COL4A3: variants seen among roughly 807,000 people sequenced by gnomAD.
COL4A3 encodes collagen type IV alpha 3 chain.
In COL4A3, 135 loss-of-function variants were observed where a neutral mutation model predicts 217.4. The ratio of observed to expected loss-of-function variants is 0.62; its 90% CI spans 0.54 to 0.72. The LOEUF (loss-of-function observed/expected upper bound fraction) is 0.72. Among genes scored for constraint, COL4A3 ranks in the 30% least tolerant of loss-of-function variants. COL4A3 has a pLI of 0.00. For missense variants in COL4A3, 1,868 were observed against 2,119.9 expected, an observed-to-expected ratio of 0.88 and a Z score of 2.33; for synonymous variants, 690 against 736.3, an observed-to-expected ratio of 0.94 and a Z score of 1.02.
intron 1 of COL4A3, among the ~76,000 whole-genome samples, chr2:227,182,115 C>T (rs1348710659): frequency 6.6e-6 from 1 of 152,158 alleles, no homozygotes; most frequent in Non-Finnish European, 1.5e-5. Flanking sequence ...ACTGCTGATT[C>T]CCTATTGATT....
chr2:227,175,205 C>T (rs2065633446), intron 1 of COL4A3, among the ~76,000 whole-genome samples: 1 of 152,188 alleles, frequency 6.6e-6, no homozygotes, highest in South Asian at 2.1e-4. Flanking sequence ...GGCACAGTGG[C>T]TCAGCCCTGT....
At chr2:227,254,254 A>G in intron 14 of COL4A3, 80 bp downstream of exon 14, 1 of 1,326,188 alleles carries the variant, frequency 7.5e-7, no homozygotes, top group Non-Finnish European at 1.1e-6. Flanking sequence ...GTTTTGTCTT[A>G]AGTTGTTTTT....
chr2:227,248,450 C>T lies in COL4A3; in HGVS notation c.476C>T (p.Pro159Leu). 1 of 1,609,614 alleles carries T rather than the reference C, an allele frequency of 6.2e-7. No individual in the cohort carries two copies. The highest frequency in any genetic ancestry group is 2.2e-5 in the East Asian group (1 of 44,836). The change falls in exon 9 of 52, where the codon CCT becomes CTT. Residue 159 changes from proline (P) to leucine (L), a missense_variant. Physicochemically the swap from Pro to Leu is moderately conservative, Grantham distance 98. Transcript: ENST00000396578. ...AAGLKGQKGA[P>L]AKEEDIELDA... is the part of the protein sequence containing the mutation. ...AACTTCTTCATTTTCAAGGGTGCTC[C>T]TGCTAAAGAAGAAGATATAGAACTT...
chr2:227,291,673 C>A (rs1246187751), intron 37 of COL4A3, among the ~76,000 whole-genome samples: 1 of 148,558 alleles, frequency 6.7e-6, no homozygotes, highest in Non-Finnish European at 1.5e-5. Context: ...AGAAAGCGAA[C>A]AAAATCCTAA....
chr2:227,310,270 CTTTT>C (rs1396668725), intron 50 of COL4A3, among the ~76,000 whole-genome samples: 2 of 151,878 alleles, frequency 1.3e-5, no homozygotes, highest in African/African-American at 2.4e-5. Context: ...TTTCTTTTTT[CTTTT>C]TCTTTGTCTC....
intron 13 of COL4A3, 23 bp from the exon 14 acceptor site, chr2:227,254,089 A>C: frequency 1.2e-6 from 2 of 1,607,450 alleles, no homozygotes; most frequent in Non-Finnish European, 1.7e-6. Flanking sequence ...ATTTGTAACA[A>C]TGTTGAACTG....
Position 227,223,509 on chromosome 2 carries a change from G to A in COL4A3, c.88-14459G>A, listed in dbSNP as rs113932106. ...AGCACTTCGGGAGGCTGAGGTGGGCGGATCACCTGAGGTCAGGAGTTCAAG... is the reference window on the plus strand; with the variant it reads ...AGCACTTCGGGAGGCTGAGGTGGGCAGATCACCTGAGGTCAGGAGTTCAAG... On this transcript the variant is annotated intron_variant, in intron 1 of 51. Coordinates refer to ENST00000396578, the MANE Select transcript of COL4A3 (RefSeq NM_000091.5). 3.7e-3 allele frequency among the ~76,000 whole-genome samples: 563 copies of A among 152,196 alleles called. 3 individuals are homozygous for A. Among genetic ancestry groups the A allele is most frequent in the African/African-American group, 0.013 (520 of 41,500 alleles).
At chr2:227,199,490 A>ATTCAGACTGC (rs1487668153) in intron 1 of COL4A3, among the ~76,000 whole-genome samples, 1 of 152,248 alleles carries the variant, frequency 6.6e-6, no homozygotes, top group Non-Finnish European at 1.5e-5. Flanking sequence ...AGACTGGATC[A>ATTCAGACTGC]AACAGACCTA....
chr2:227,174,035 C>T (rs559494694), intron 1 of COL4A3, among the ~76,000 whole-genome samples: 1 of 152,294 alleles, frequency 6.6e-6, no homozygotes, highest in East Asian at 1.9e-4. Flanking sequence ...GAAATAAATA[C>T]TTGTCTAAAT....
In COL4A3 at chr2:227,246,006, G is replaced by C; in HGVS notation, c.377G>C (p.Ser126Thr). 1 of 1,612,934 alleles carries C rather than the reference G, an allele frequency of 6.2e-7. No homozygotes were observed. Among genetic ancestry groups the C allele is most frequent in the South Asian group, 1.1e-5 (1 of 91,058 alleles). Residue 126 changes from serine to threonine, a missense_variant, in exon 6 of 52, where the codon AGT becomes ACT. By Grantham distance (58) the Ser-to-Thr change is moderately conservative. Transcript: ENST00000396578. ...PYGLVGVPGC[S>T]GSKGEQGFPG... Reference sequence around the variant, plus strand: ...GGACTTGTCGGTGTACCAGGATGCAGTGGTTCTAAGGTAAGTACTTTTCAC... The same window carrying C: ...GGACTTGTCGGTGTACCAGGATGCACTGGTTCTAAGGTAAGTACTTTTCAC...
intron 25 of COL4A3, among the ~76,000 whole-genome samples, chr2:227,272,345 T>C (rs887847306): frequency 1.3e-5 from 2 of 152,238 alleles, no homozygotes; most frequent in African/African-American, 4.8e-5. Flanking sequence ...ACAGACCACT[T>C]AGCCATCTGA....
At chr2:227,219,775 T>C (rs1476616164) in intron 1 of COL4A3, among the ~76,000 whole-genome samples, 1 of 152,242 alleles carries the variant, frequency 6.6e-6, no homozygotes, top group African/African-American at 2.4e-5. Context: ...ATATTTTATA[T>C]AGTTAAATAA....
intron 23 of COL4A3, among the ~76,000 whole-genome samples, chr2:227,267,807 A>T (rs2125984450): frequency 6.7e-6 from 1 of 148,304 alleles, no homozygotes; most frequent in Admixed American, 6.7e-5. Flanking sequence ...AAAAAAAAAC[A>T]CAACATTTTA....
intron 7 of COL4A3, 75 bp from the exon 8 acceptor site, chr2:227,247,483 G>C: frequency 7.2e-7 from 1 of 1,388,790 alleles, no homozygotes; most frequent in Non-Finnish European, 1.0e-6. Flanking sequence ...CAATAGCAGA[G>C]AGGGCAGAGC....
Position 227,293,680 on chromosome 2 carries a change from T to C in COL4A3, c.3337+363T>C, listed in dbSNP as rs532170420. On this transcript the variant is annotated intron_variant, in intron 38 of 51. Coordinates refer to ENST00000396578, the MANE Select transcript of COL4A3 (RefSeq NM_000091.5). ...ACTAGGTGGCTTAAACTACACTTGA[T>C]GTTAGCCAAAAGGCTGAGAAGTGAT... The C allele has an allele frequency of 2.2e-4, 107 of 482,084 alleles. 1 individual carries two copies. Among genetic ancestry groups the C allele is most frequent in the South Asian group, 1.6e-3 (102 of 64,170 alleles). The allele number at this position is 482,084 out of a possible 1,614,324, so 29.9% of individuals were successfully genotyped here.
intron 16 of COL4A3, 132 bp from the exon 17 acceptor site, chr2:227,256,211 T>C (rs2070160279): frequency 1.1e-5 from 13 of 1,133,226 alleles, no homozygotes; most frequent in Non-Finnish European, 1.7e-5. Context: ...ATCATAGTTT[T>C]ACATCCCCAC....
intron 24 of COL4A3, 49 bp downstream of exon 24, chr2:227,270,029 C>A (rs779113611): frequency 9.4e-6 from 14 of 1,485,972 alleles, no homozygotes; most frequent in African/African-American, 2.8e-5. Flanking sequence ...ACAAATTGCA[C>A]ACTCTAGAAA....
intron 39 of COL4A3, 34 bp from the exon 40 acceptor site, chr2:227,294,930 T>A: frequency 7.0e-7 from 1 of 1,432,842 alleles, no homozygotes; most frequent in Non-Finnish European, 9.6e-7. Context: ...TATACCATAG[T>A]TTGGGGTTTT....
chr2:227,248,176 G>A (rs916724799), intron 8 of COL4A3, among the ~76,000 whole-genome samples: 2 of 152,170 alleles, frequency 1.3e-5, no homozygotes, highest in Non-Finnish European at 2.9e-5. Flanking sequence ...CTGACCTCGG[G>A]TGATCTGCCC....
Sources: allele counts gnomAD v4.1 joint callset (sites outside exome capture counted in the v4.1 genomes callset), GRCh38; gene constraint gnomAD v4.1.1; transcripts MANE v1.5; gene names NCBI Gene and HGNC (gene_info 2026-07-23, HGNC 2026-07-21).